The following DLGAP1 variants were observed in gnomAD, a reference collection of about 807,000 sequenced individuals.
The protein encoded by DLGAP1 is DLG associated protein 1.
A neutral mutation model predicts 90.8 loss-of-function variants in DLGAP1; 11 were observed. The observed-to-expected ratio is 0.12, with a 90% CI of 0.08 to 0.20. The LOEUF is 0.20. Ranked by LOEUF, DLGAP1 falls within the 10% of genes least tolerant of loss-of-function variation. The probability of loss-of-function intolerance (pLI) is 1.00; values close to 1 mark genes in which losing one functional copy is unlikely to be tolerated. For missense variants in DLGAP1, 1,050 were observed against 1,333.8 expected (o/e 0.79, Z 3.31); for synonymous variants, 558 against 540.7 (o/e 1.03, Z -0.44).
intron 1 of DLGAP1, among the ~76,000 whole-genome samples, chr18:4,393,298 C>T (rs1027194519): frequency 1.6e-4 from 24 of 152,172 alleles, no homozygotes; most frequent in Admixed American, 7.2e-4. Flanking sequence ...CCTCTTCTAT[C>T]GTACTCCATG....
chr18:3,543,290 C>T (rs56017960), intron 9 of DLGAP1, among the ~76,000 whole-genome samples: 39,207 of 151,494 alleles, frequency 0.26, 5,409 homozygotes, highest in East Asian at 0.41. Flanking sequence ...CCTGCCTCAG[C>T]CTCCCCCTTA....
At chr18:3,932,958 C>T (rs1196408964) in intron 3 of DLGAP1, among the ~76,000 whole-genome samples, 3 of 152,092 alleles carry the variant, frequency 2.0e-5, no homozygotes, top group African/African-American at 4.8e-5. Context: ...GGACTGGACT[C>T]GGGGAGGTGA....
intron 5 of DLGAP1, among the ~76,000 whole-genome samples, chr18:3,749,527 CA>C (rs1422079529): frequency 6.6e-6 from 1 of 152,170 alleles, no homozygotes; most frequent in African/African-American, 2.4e-5. Context: ...CTTGCCCTTA[CA>C]TGCTTTTATT....
At position 3,968,319 on chromosome 18, in the gene DLGAP1, C is replaced by T. The variant is rs529451655; in HGVS notation, c.-73+36797G>A. ...TTACCCCAATTTCACATCATTTTTACGCAGCTATTGATCTCCACTTTTTAT... is the reference window on the plus strand; with the variant it reads ...TTACCCCAATTTCACATCATTTTTATGCAGCTATTGATCTCCACTTTTTAT... On this transcript the variant is annotated intron_variant, in intron 3 of 12. Transcript: ENST00000315677. 1.9e-4 allele frequency among the ~76,000 whole-genome samples: 29 copies of T among 152,280 alleles called. No homozygotes were observed. In the South Asian group the frequency reaches 5.8e-3, roughly 30 times the overall value.
intron 7 of DLGAP1, among the ~76,000 whole-genome samples, chr18:3,714,529 A>T (rs2061695539): frequency 1.3e-5 from 2 of 152,214 alleles, no homozygotes; most frequent in Admixed American, 6.5e-5. Context: ...ACTAGGCTGA[A>T]AATCAGCTTT....
intron 7 of DLGAP1, among the ~76,000 whole-genome samples, chr18:3,690,492 T>C (rs2060855882): frequency 6.6e-6 from 1 of 152,108 alleles, no homozygotes; most frequent in Non-Finnish European, 1.5e-5. Flanking sequence ...ATCTTTGGGA[T>C]ATCCAAAGAC....
intron 10 of DLGAP1, among the ~76,000 whole-genome samples, chr18:3,522,290 C>G (rs938668930): frequency 2.6e-5 from 4 of 151,878 alleles, no homozygotes; most frequent in Non-Finnish European, 5.9e-5. Context: ...GCGCGTGCCA[C>G]CACGCCCAGC....
At chr18:3,508,224 A>T (rs1237382220) in intron 11 of DLGAP1, among the ~76,000 whole-genome samples, 1 of 152,188 alleles carries the variant, frequency 6.6e-6, no homozygotes, top group African/African-American at 2.4e-5. Flanking sequence ...TTTTTTGGGC[A>T]ATATTATTTT....
At chr18:4,367,004 C>CAAAAAAAAAAAAAA (rs67286288) in intron 1 of DLGAP1, among the ~76,000 whole-genome samples, 3 of 60,744 alleles carry the variant, frequency 4.9e-5, no homozygotes, top group African/African-American at 1.7e-4. Flanking sequence ...CTGTCAATGG[C>CAAAAAAAAAAAAAA]AAAAAAAAAA....
intron 12 of DLGAP1, among the ~76,000 whole-genome samples, chr18:3,501,287 G>C (rs2059352290): frequency 6.6e-6 from 1 of 151,678 alleles, no homozygotes; most frequent in Admixed American, 6.6e-5. Flanking sequence ...TTACCAGTAT[G>C]TGTGCATTTG....
At chr18:4,265,785 T>G (rs2079118003) in intron 1 of DLGAP1, among the ~76,000 whole-genome samples, 1 of 150,764 alleles carries the variant, frequency 6.6e-6, no homozygotes, top group Non-Finnish European at 1.5e-5. Flanking sequence ...CCTCCCCGGC[T>G]CAACTGATCT....
intron 5 of DLGAP1, 60 bp from the exon 6 acceptor site, chr18:3,742,572 C>T: frequency 6.3e-7 from 1 of 1,587,026 alleles, no homozygotes; most frequent in Non-Finnish European, 8.6e-7. Flanking sequence ...GAAGCAATAA[C>T]ATGTGGCACT....
intron 1 of DLGAP1, among the ~76,000 whole-genome samples, chr18:4,213,318 T>G (rs2077885967): frequency 6.6e-6 from 1 of 152,152 alleles, no homozygotes; most frequent in South Asian, 2.1e-4. Context: ...AGGGAACCAG[T>G]TGGAGGAGCA....
At position 3,879,701 on chromosome 18, in the gene DLGAP1, T is replaced by A. The variant is rs779229168; in HGVS notation, c.368A>T (p.Tyr123Phe). Residue 123 changes from tyrosine (Y) to phenylalanine (F), a missense_variant, in exon 4 of 13, where the codon TAC becomes TTC. By Grantham distance (22) the Tyr-to-Phe change is conservative. Around this residue, in one of 2 missense-constraint regions of DLGAP1, gnomAD observed 485 missense variants for 454.1 expected, o/e 1.07. Transcript: ENST00000315677. The surrounding 1 kb of genome is among the most constrained non-coding windows in gnomAD (Gnocchi z 6.6). Reference protein sequence around the residue: ...LSRDGYHTLQYKRTAVEHRSD... With the variant: ...LSRDGYHTLQFKRTAVEHRSD... The stretch of plus-strand genomic sequence containing the variant: ...GCGGTGCTCCACGGCCGTGCGCTTG[T>A]ACTGCAGGGTGTGATAGCCATCGCG... 24 of 1,608,344 alleles carry A rather than the reference T, an allele frequency of 1.5e-5. No homozygotes were observed. Among genetic ancestry groups the A allele is most frequent in the Admixed American group, 6.7e-5 (4 of 59,988 alleles).
rs960591389 is a variant in DLGAP1, at chr18:3,574,221, A to G, written c.1966-6640T>C. ...TTTATTTAGTATTTTCAAATAACCAATTTTGGTTTATCAATTCCACTTTAC... is the reference window on the plus strand; with the variant it reads ...TTTATTTAGTATTTTCAAATAACCAGTTTTGGTTTATCAATTCCACTTTAC... On this transcript the variant is annotated intron_variant, in intron 8 of 12. Coordinates refer to ENST00000315677, the MANE Select transcript of DLGAP1 (RefSeq NM_004746.4). Among the ~76,000 whole-genome samples, 8 of 152,238 alleles carry G rather than the reference A, an allele frequency of 5.3e-5. No individual in the cohort carries two copies. The South Asian group carries it at 6.2e-4, about 12-fold the overall frequency.
At chr18:3,615,270 T>C (rs977696314) in intron 7 of DLGAP1, among the ~76,000 whole-genome samples, 1 of 152,060 alleles carries the variant, frequency 6.6e-6, no homozygotes, top group African/African-American at 2.4e-5. Context: ...ATAATTTTGG[T>C]GGTATTTGAG....
chr18:3,515,490 G>C (rs2050785721), intron 10 of DLGAP1, among the ~76,000 whole-genome samples: 1 of 71,162 alleles, frequency 1.4e-5, no homozygotes, highest in African/African-American at 4.5e-5. Context: ...AAAAAAATTG[G>C]AGTCAAGGCT....
chr18:3,705,624 T>C (rs2061408171), intron 7 of DLGAP1, among the ~76,000 whole-genome samples: 1 of 150,916 alleles, frequency 6.6e-6, no homozygotes, highest in African/African-American at 2.4e-5. Flanking sequence ...AAGGTGACCA[T>C]ATATCCCAGT....
intron 1 of DLGAP1, among the ~76,000 whole-genome samples, chr18:4,327,685 T>C (rs949688499): frequency 6.6e-6 from 1 of 152,222 alleles, no homozygotes. Context: ...GGTTTTATAC[T>C]CAGAATATAG....
Sources: allele counts gnomAD v4.1 joint callset (sites outside exome capture counted in the v4.1 genomes callset), GRCh38; gene constraint gnomAD v4.1.1; regional missense constraint gnomAD v4.1.1; non-coding constraint Gnocchi (gnomAD v3.1); transcripts MANE v1.5; gene names NCBI Gene and HGNC (gene_info 2026-07-23, HGNC 2026-07-21).